The following FBXW11 variants were observed in gnomAD, a reference collection of about 807,000 sequenced individuals.
The protein encoded by FBXW11 is F-box/WD repeat-containing protein 11.
Under a neutral mutation model 77.6 loss-of-function variants are expected in FBXW11, and 19 were observed. The observed-to-expected ratio is 0.24, with a 90% CI of 0.17 to 0.36. The LOEUF is 0.36. FBXW11 is among the 10% of genes least tolerant of loss of function. The pLI, the probability that FBXW11 is intolerant of heterozygous loss-of-function variation, is 1.00. For synonymous variants in FBXW11, 235 were observed against 249.4 expected, an observed-to-expected ratio of 0.94 and a Z score of 0.54; for missense variants, 334 against 704.2, an observed-to-expected ratio of 0.47 and a Z score of 5.95.
chr5:171,873,110 T>C (rs1757854756), intron 9 of FBXW11, 120 bp from the exon 10 acceptor site: 2 of 828,342 alleles, frequency 2.4e-6, no homozygotes, highest in African/African-American at 1.7e-5. Flanking sequence ...TAAAATACGG[T>C]GTCCTCTAAC....
At chr5:171,878,773 A>C (rs1424519613) in intron 7 of FBXW11, among the ~76,000 whole-genome samples, 1 of 152,078 alleles carries the variant, frequency 6.6e-6, no homozygotes, top group African/African-American at 2.4e-5. Context: ...TGGGCAACAA[A>C]GCAGGACTCT....
intron 1 of FBXW11, chr5:172,003,417 A>C (rs1766534268): frequency 6.6e-6 from 1 of 152,226 alleles, no homozygotes; most frequent in African/African-American, 2.4e-5. Context: ...TAGCCGGATA[A>C]ACTTTACATA....
rs138624771 is a variant in FBXW11 at position 171,955,212 on chromosome 5, C to G, written c.147+2385G>C. Among the ~76,000 whole-genome samples the G allele has an allele frequency of 2.2e-3, 342 of 152,248 alleles. 2 individuals carry two copies. Among genetic ancestry groups the G allele is most frequent in the African/African-American group, 8.2e-3 (340 of 41,560 alleles). On this transcript the variant is annotated intron_variant, in intron 2 of 13. Coordinates refer to ENST00000517395, the MANE Select transcript of FBXW11 (RefSeq NM_001378974.1). ...ACTACTATCTTCCCTCCGGCTTTTTCGAAAGGTAAACTAAAATTCAGCCAT... is the reference window on the plus strand; with the variant it reads ...ACTACTATCTTCCCTCCGGCTTTTTGGAAAGGTAAACTAAAATTCAGCCAT...
At chr5:171,994,215 A>C (rs956961586) in intron 1 of FBXW11, among the ~76,000 whole-genome samples, 1 of 152,236 alleles carries the variant, frequency 6.6e-6, no homozygotes, top group Non-Finnish European at 1.5e-5. Context: ...CAGAGGTAAG[A>C]AGCACATTCT....
chr5:171,910,643 T>C lies in FBXW11; in HGVS notation c.365A>G (p.His122Arg). The change falls in exon 4 of 14, where the codon CAT (histidine) becomes CGT (arginine). Residue 122 changes from histidine (H) to arginine (R), a missense_variant. Around this residue, in one of 10 missense-constraint regions of FBXW11, gnomAD observed 56 missense variants for 144.9 expected, o/e 0.39. Transcript: ENST00000517395. ...AGAGTTAATATGTCCATGCTGATAA[T>C]GACACATTCGTGAAATAAGATGTTC... ...FVEHLISRMC[H>R]YQHGHINSYL... is the part of the protein sequence containing the mutation. 1 of 1,614,062 alleles carries C rather than the reference T, an allele frequency of 6.2e-7. No individual in the cohort carries two copies. Among genetic ancestry groups the C allele is most frequent in the Non-Finnish European group, 8.5e-7 (1 of 1,179,956 alleles).
rs778327855 is a variant in FBXW11, at chr5:171,998,336, C to CTTTTTTTTTTTTTTTTTTTTT, written c.45+8121_45+8122insAAAAAAAAAAAAAAAAAAAAA. 8.4e-4 allele frequency among the ~76,000 whole-genome samples: 97 copies of CTTTTTTTTTTTTTTTTTTTTT among 114,804 alleles called. 14 individuals are homozygous for CTTTTTTTTTTTTTTTTTTTTT. The highest frequency in any genetic ancestry group is 3.7e-3 in the African/African-American group (90 of 24,010). 75.3% of individuals were successfully genotyped at this position (114,804 alleles called of 152,430 possible). A position where few individuals can be genotyped will look rare whatever the true frequency, so the allele number is the denominator to read the frequency against. On this transcript the variant is annotated intron_variant, in intron 1 of 13. Transcript: ENST00000517395. ...ACAGCCCATGATATTTTTTTCTTGTCTTTTTTTTTTTTTTTTTAAGTAGAG... is the reference window on the plus strand; with the variant it reads ...ACAGCCCATGATATTTTTTTCTTGTCTTTTTTTTTTTTTTTTTTTTTTTTTTTTTTTTTTTTTTAAGTAGAG...
chr5:171,996,285 T>C (rs563251790), intron 1 of FBXW11, among the ~76,000 whole-genome samples: 11 of 152,366 alleles, frequency 7.2e-5, no homozygotes, highest in African/African-American at 2.4e-4. Context: ...TTGTTTTCCA[T>C]ATTTTACAAG....
chr5:171,893,293 C>A (rs1759482758), intron 6 of FBXW11, among the ~76,000 whole-genome samples: 1 of 151,650 alleles, frequency 6.6e-6, no homozygotes. Flanking sequence ...CAAGGAGGTG[C>A]CATGGAGATG....
intron 2 of FBXW11, among the ~76,000 whole-genome samples, chr5:171,917,475 G>T (rs1761328130): frequency 6.6e-6 from 1 of 152,150 alleles, no homozygotes; most frequent in South Asian, 2.1e-4. Flanking sequence ...GAAAATAGCA[G>T]CTATTGCCTT....
At chr5:171,888,646 CA>C (rs1759081239) in intron 7 of FBXW11, among the ~76,000 whole-genome samples, 1 of 152,090 alleles carries the variant, frequency 6.6e-6, no homozygotes, top group Non-Finnish European at 1.5e-5. Context: ...CCACAATGCC[CA>C]AAATACTAGT....
At chr5:172,006,250 T>C (rs1766761043) in intron 1 of FBXW11, among the ~76,000 whole-genome samples, 1 of 150,062 alleles carries the variant, frequency 6.7e-6, no homozygotes, top group South Asian at 2.1e-4. Flanking sequence ...GCGAGGGGCA[T>C]GGAGGGGGCC....
In FBXW11 at chr5:171,863,749, C is replaced by T. The variant is rs1334285573; in HGVS notation, c.*378G>A. On this transcript the variant is annotated 3_prime_UTR_variant, in exon 14 of 14. Transcript: ENST00000517395. ...AAGAATGCTGTTTCTTAATATCAAA[C>T]CAAAGTGCAAAGCAATATAAATTAG... 6.6e-6 allele frequency: 1 copy of T among 152,628 alleles called. No individual in the cohort carries two copies. The allele number at this position is 152,628 out of a possible 1,614,324, so 9.5% of individuals were successfully genotyped here. A position where few individuals can be genotyped will look rare whatever the true frequency, so the allele number is the denominator to read the frequency against.
rs1222014602 is a variant in FBXW11, at chr5:171,869,297, T to C, written c.1530+432A>G. Among the ~76,000 whole-genome samples the C allele has an allele frequency of 6.6e-6, 1 of 152,228 alleles. No individual in the cohort carries two copies. Among genetic ancestry groups the C allele is most frequent in the Non-Finnish European group, 1.5e-5 (1 of 68,050 alleles). ...ACAGAAATAAAACTACTAAAATCTT[T>C]TTTAAATCTACCAATATTTCCAAAT... On this transcript the variant is annotated intron_variant, in intron 12 of 13. Coordinates refer to ENST00000517395, the MANE Select transcript of FBXW11 (RefSeq NM_001378974.1). This position sits in a 1 kb window ranked among gnomAD's most constrained non-coding sequence, Gnocchi z 4.1.
chr5:171,924,330 C>T lies in FBXW11; in HGVS notation c.148-9925G>A, dbSNP rs1012286845. On this transcript the variant is annotated intron_variant, in intron 2 of 13. Transcript: ENST00000517395. ...GAATTTCTATTCCTGTTTGCCAGCTCTTTCCCAATTGTTTCTTTCTGGATA... is the reference window on the plus strand; with the variant it reads ...GAATTTCTATTCCTGTTTGCCAGCTTTTTCCCAATTGTTTCTTTCTGGATA... Among the ~76,000 whole-genome samples the T allele has an allele frequency of 3.3e-5, 5 of 152,130 alleles. No individual in the cohort carries two copies. In the South Asian group the frequency reaches 1.0e-3, roughly 32 times the overall value.
At chr5:171,880,925 A>AC (rs1381023727) in intron 7 of FBXW11, among the ~76,000 whole-genome samples, 2 of 152,138 alleles carry the variant, frequency 1.3e-5, no homozygotes, top group Non-Finnish European at 2.9e-5. Flanking sequence ...CAAACTCCTG[A>AC]CCTCAGATGA....
chr5:171,946,226 T>A (rs1479804792), intron 2 of FBXW11, among the ~76,000 whole-genome samples: 1 of 152,202 alleles, frequency 6.6e-6, no homozygotes, highest in African/African-American at 2.4e-5. Flanking sequence ...CCCATGGTCA[T>A]GTGAGTCAGT....
At chr5:171,910,224 C>G (rs1446194687) in intron 4 of FBXW11, among the ~76,000 whole-genome samples, 1 of 151,916 alleles carries the variant, frequency 6.6e-6, no homozygotes, top group Non-Finnish European at 1.5e-5. Context: ...TGCCACCACC[C>G]CCGGCTAATT....
intron 1 of FBXW11, among the ~76,000 whole-genome samples, chr5:171,976,602 G>C (rs1289643170): frequency 5.9e-5 from 9 of 152,112 alleles, no homozygotes. Context: ...AATTATAAAA[G>C]GGTTTCAGGC....
chr5:171,872,556 T>C (rs921854494), intron 10 of FBXW11, among the ~76,000 whole-genome samples: 20 of 151,968 alleles, frequency 1.3e-4, no homozygotes, highest in African/African-American at 4.8e-4. Flanking sequence ...AGCTCACAGG[T>C]GAGGGAAATT....
Sources: allele counts gnomAD v4.1 joint callset (sites outside exome capture counted in the v4.1 genomes callset), GRCh38; gene constraint gnomAD v4.1.1; regional missense constraint gnomAD v4.1.1; non-coding constraint Gnocchi (gnomAD v3.1); transcripts MANE v1.5; gene names NCBI Gene and HGNC (gene_info 2026-07-23, HGNC 2026-07-21).